RALGAPA2: variants seen among roughly 807,000 people sequenced by gnomAD.
RALGAPA2 encodes the protein Ral GTPase activating protein catalytic subunit alpha 2.
Under a neutral mutation model 230.4 loss-of-function variants are expected in RALGAPA2, and 139 were observed. The ratio of observed to expected loss-of-function variants is 0.60; its 90% confidence interval spans 0.53 to 0.69. RALGAPA2 has a LOEUF of 0.69. RALGAPA2 is among the 30% of genes least tolerant of loss of function. The pLI is 0.00. For missense variants in RALGAPA2, 2,163 were observed against 2,276.0 expected, an observed-to-expected ratio of 0.95 and a Z score of 1.01; for synonymous variants, 847 against 837.8, an observed-to-expected ratio of 1.01 and a Z score of -0.19.
chr20:20,691,956 AGTTCCC>A (rs1166564652), intron 1 of RALGAPA2, among the ~76,000 whole-genome samples: 6 of 152,130 alleles, frequency 3.9e-5, no homozygotes, highest in Non-Finnish European at 1.5e-5. Flanking sequence ...GTTCTCTATT[AGTTCCC>A]ATGAAAACTG....
At chr20:20,428,402 A>C (rs2060431247) in intron 37 of RALGAPA2, among the ~76,000 whole-genome samples, 1 of 151,328 alleles carries the variant, frequency 6.6e-6, no homozygotes, top group African/African-American at 2.4e-5. Context: ...TTACTCTTAG[A>C]AAAAAAAATA....
At position 20,404,517 on chromosome 20, in the gene RALGAPA2, A is replaced by G. The variant is rs73288531; in HGVS notation, c.5617+7510T>C. On this transcript the variant is annotated intron_variant, in intron 38 of 39. Coordinates refer to ENST00000202677, the MANE Select transcript of RALGAPA2 (RefSeq NM_020343.4). The stretch of plus-strand genomic sequence containing the variant: ...GGCCCCTCAGCAGCTGAGGTTGTGC[A>G]TGCACCACCTGCTGAGCCAGGAGGA... Among the ~76,000 whole-genome samples, 595 of 152,302 alleles carry G rather than the reference A, an allele frequency of 3.9e-3. 4 individuals are homozygous for G. Among genetic ancestry groups the G allele is most frequent in the African/African-American group, 0.013 (558 of 41,578 alleles).
chr20:20,594,728 C>CTT (rs759189397), intron 16 of RALGAPA2, among the ~76,000 whole-genome samples: 1,891 of 133,990 alleles, frequency 0.014, 73 homozygotes, highest in East Asian at 0.14. Context: ...CTATTACTTT[C>CTT]TTTTTTTTTT....
chr20:20,438,014 G>C (rs2060652269), intron 37 of RALGAPA2, among the ~76,000 whole-genome samples: 1 of 152,078 alleles, frequency 6.6e-6, no homozygotes, highest in African/African-American at 2.4e-5. Flanking sequence ...TCTTAATATG[G>C]GTCAATGGAC....
chr20:20,666,363 T>G (rs1022649612), intron 3 of RALGAPA2, among the ~76,000 whole-genome samples: 2 of 152,218 alleles, frequency 1.3e-5, no homozygotes, highest in African/African-American at 2.4e-5. Flanking sequence ...GAAAACAAAA[T>G]CTACTAAAGC....
intron 36 of RALGAPA2, among the ~76,000 whole-genome samples, chr20:20,493,364 A>C (rs2123586795): frequency 6.6e-6 from 1 of 152,356 alleles, no homozygotes; most frequent in Non-Finnish European, 1.5e-5. Flanking sequence ...TTTTGAATTA[A>C]AATATTAAGA....
At chr20:20,602,336 G>A (rs569096464) in intron 15 of RALGAPA2, among the ~76,000 whole-genome samples, 3 of 152,204 alleles carry the variant, frequency 2.0e-5, no homozygotes, top group Non-Finnish European at 4.4e-5. Context: ...GCAGGATAAT[G>A]AAAATCTACA....
chr20:20,650,804 G>A (rs751264984), intron 4 of RALGAPA2, among the ~76,000 whole-genome samples: 5 of 152,104 alleles, frequency 3.3e-5, no homozygotes, highest in Non-Finnish European at 7.4e-5. Flanking sequence ...CTGACTAATG[G>A]TAACAGTTTT....
At chr20:20,471,327 T>G (rs1211244621) in intron 37 of RALGAPA2, 2 of 151,592 alleles carry the variant, frequency 1.3e-5, no homozygotes, top group Non-Finnish European at 1.5e-5. Flanking sequence ...TATTTTATAA[T>G]GAGAAGTTCA....
intron 1 of RALGAPA2, among the ~76,000 whole-genome samples, chr20:20,692,839 A>G (rs2068963259): frequency 6.6e-6 from 1 of 152,160 alleles, no homozygotes; most frequent in Admixed American, 6.6e-5. Context: ...CACCGAACTC[A>G]TGAATTAGCC....
At chr20:20,507,364 A>G (rs1029245870) in intron 33 of RALGAPA2, among the ~76,000 whole-genome samples, 9 of 152,138 alleles carry the variant, frequency 5.9e-5, no homozygotes, top group Admixed American at 2.0e-4. Flanking sequence ...TCTTTTTTTG[A>G]GATAGTCTCA....
intron 20 of RALGAPA2, among the ~76,000 whole-genome samples, chr20:20,575,620 TAC>T (rs1308724011): frequency 6.6e-6 from 1 of 152,172 alleles, no homozygotes; most frequent in Non-Finnish European, 1.5e-5. Flanking sequence ...TAAACAGACT[TAC>T]AGTCTTCCTG....
intron 1 of RALGAPA2, among the ~76,000 whole-genome samples, chr20:20,702,428 G>A (rs1051413678): frequency 3.3e-5 from 5 of 152,176 alleles, no homozygotes; most frequent in Admixed American, 2.6e-4. Flanking sequence ...GGAAGGAGAA[G>A]GGGAATGAAG....
intron 31 of RALGAPA2, among the ~76,000 whole-genome samples, 183 bp from the exon 32 acceptor site, chr20:20,513,467 C>T (rs973436810): frequency 6.6e-6 from 1 of 152,096 alleles, no homozygotes; most frequent in Non-Finnish European, 1.5e-5. Context: ...AGCTTTAATT[C>T]AGGAAGGAAA....
At chr20:20,394,550 G>C (rs1223072407) in intron 39 of RALGAPA2, among the ~76,000 whole-genome samples, 1 of 152,002 alleles carries the variant, frequency 6.6e-6, no homozygotes, top group East Asian at 1.9e-4. Flanking sequence ...TGAGGTGAGA[G>C]GATTTTGAGC....
intron 1 of RALGAPA2, among the ~76,000 whole-genome samples, chr20:20,691,839 T>G (rs2068923823): frequency 6.6e-6 from 1 of 152,194 alleles, no homozygotes. Flanking sequence ...AATCTCTTGT[T>G]GAAATCTGAT....
At chr20:20,564,687 C>A (rs1378142890) in intron 23 of RALGAPA2, among the ~76,000 whole-genome samples, 2 of 152,212 alleles carry the variant, frequency 1.3e-5, no homozygotes, top group Non-Finnish European at 2.9e-5. Flanking sequence ...CACTTGACTA[C>A]TTGTGGATAG....
intron 37 of RALGAPA2, among the ~76,000 whole-genome samples, chr20:20,425,141 A>G (rs2060355439): frequency 6.6e-6 from 1 of 152,242 alleles, no homozygotes; most frequent in African/African-American, 2.4e-5. Flanking sequence ...ATAGATAACA[A>G]GTAAATGAAA....
chr20:20,471,244 A>G (rs2061533736), intron 37 of RALGAPA2: 1 of 152,116 alleles, frequency 6.6e-6, no homozygotes, highest in Admixed American at 6.6e-5. Flanking sequence ...ATTTTCCCTA[A>G]ACCTGATCAT....
Sources: gnomAD v4.1 joint callset for allele counts (sites outside exome capture counted in the v4.1 genomes callset) on GRCh38, gnomAD v4.1.1 for gene constraint, MANE v1.5 for transcripts, NCBI Gene and HGNC (gene_info 2026-07-23, HGNC 2026-07-21) for gene names.